AHNAK: variants seen among roughly 807,000 people sequenced by gnomAD.
AHNAK encodes the protein AHNAK nucleoprotein, also known as neuroblast differentiation-associated protein AHNAK.
Under a neutral mutation model 37.8 loss-of-function variants are expected in AHNAK, and 23 were observed. The observed-to-expected ratio is 0.61, with a 90% CI of 0.44 to 0.86. The LOEUF is 0.86. AHNAK is among the 40% of genes least tolerant of loss of function. AHNAK has a pLI of 0.00. For missense variants in AHNAK, 7,411 were observed against 7,319.4 expected (o/e 1.01, Z -0.46); for synonymous variants, 2,481 against 2,636.3 (o/e 0.94, Z 1.80).
In AHNAK at chr11:62,530,113, T is replaced by C. The variant is rs775242034; in HGVS notation, c.4304A>G (p.Lys1435Arg). ...TTCTGGCATCTTGAATTTGGGACCT[T>C]TTAGTTTTGCGTCTGGACCTTCAAT... Reference protein sequence around the residue: ...VNIEGPDAKLKGPKFKMPEMS... With the variant: ...VNIEGPDAKLRGPKFKMPEMS... Residue 1435 changes from lysine to arginine, a missense_variant, in exon 5 of 5, where the codon AAA becomes AGA. Transcript: ENST00000378024. 6.2e-7 allele frequency: 1 copy of C among 1,614,118 alleles called. No homozygotes were observed. Among genetic ancestry groups the C allele is most frequent in the Admixed American group, 1.7e-5 (1 of 60,018 alleles).
At chr11:62,474,399 G>A (rs1939102533) in intron 5 of AHNAK, among the ~76,000 whole-genome samples, 1 of 152,086 alleles carries the variant, frequency 6.6e-6, no homozygotes, top group African/African-American at 2.4e-5. Context: ...TAGTCAGGCT[G>A]GTCCTCGAAC....
At chr11:62,477,984 G>A (rs687666) in intron 5 of AHNAK, among the ~76,000 whole-genome samples, 16,242 of 152,002 alleles carry the variant, frequency 0.11, 2,467 homozygotes, top group African/African-American at 0.34. Flanking sequence ...TTGAGGAAGC[G>A]AAAGAAGGCC....
At chr11:62,444,072 C>T (rs538393150) in intron 5 of AHNAK, among the ~76,000 whole-genome samples, 35 of 152,274 alleles carry the variant, frequency 2.3e-4, no homozygotes, top group South Asian at 4.1e-4. Flanking sequence ...TGGCACAGAG[C>T]GGCCTCTTGG....
At chr11:62,542,170 G>A (rs1941148293) in intron 1 of AHNAK, among the ~76,000 whole-genome samples, 1 of 152,024 alleles carries the variant, frequency 6.6e-6, no homozygotes, top group African/African-American at 2.4e-5. Context: ...AGTACACGGA[G>A]ACCCTCAGCC....
rs1202108316 is a variant in AHNAK at position 62,483,949 on chromosome 11, A to G, written c.442+7783T>C. On this transcript the variant is annotated intron_variant, in intron 5 of 5. Coordinates refer to the AHNAK transcript ENST00000257247. The stretch of plus-strand genomic sequence containing the variant: ...CTACTCCGGAGGCTGAGGCAGGAGA[A>G]TGGTGTGAACCCAGGAGGTGGAGCT... Among the ~76,000 whole-genome samples, 18 of 146,850 alleles carry G rather than the reference A, an allele frequency of 1.2e-4. No homozygotes were observed. In the Admixed American group the frequency reaches 1.3e-3, roughly 10 times the overall value.
intron 1 of AHNAK, among the ~76,000 whole-genome samples, chr11:62,537,873 G>T (rs959025563): frequency 1.3e-5 from 2 of 152,004 alleles, no homozygotes; most frequent in Non-Finnish European, 2.9e-5. Context: ...TAGTAGAGAT[G>T]GGGTTTCACC....
intron 4 of AHNAK, among the ~76,000 whole-genome samples, chr11:62,495,000 C>CA (rs34419128): frequency 0.087 from 10,613 of 121,646 alleles, 1,364 homozygotes; most frequent in African/African-American, 0.29. Flanking sequence ...AACTCCATCT[C>CA]AAAAAAAAAA....
chr11:62,530,050 A>G lies in AHNAK; in HGVS notation c.4367T>C (p.Val1456Ala). Residue 1456 changes from valine (V) to alanine (A), a missense_variant, in exon 5 of 5, where the codon GTT becomes GCT. Transcript: ENST00000378024. ...TTTAGGACCTTTCAAATGCAAACCA[A>G]CATCTGGTATGGATATCTTCTGAGG... ...IKPQKISIPD[V>A]GLHLKGPKMK... 1 of 1,613,912 alleles carries G rather than the reference A, an allele frequency of 6.2e-7. No homozygotes were observed. Among genetic ancestry groups the G allele is most frequent in the South Asian group, 1.1e-5 (1 of 91,034 alleles).
intron 4 of AHNAK, among the ~76,000 whole-genome samples, chr11:62,509,541 A>C (rs1048711795): frequency 6.6e-6 from 1 of 151,622 alleles, no homozygotes; most frequent in African/African-American, 2.4e-5. Context: ...CAAGAGTGAA[A>C]CTCCGTCTCA....
Position 62,523,175 on chromosome 11 carries a change from G to A in AHNAK, c.11242C>T (p.Pro3748Ser), listed in dbSNP as rs756370599. Residue 3748 changes from proline to serine, a missense_variant, in exon 5 of 5, where the codon CCT becomes TCT. Coordinates refer to ENST00000378024, the MANE Select transcript of AHNAK (RefSeq NM_001620.3). ...CCCTTCAGGTTTAAATCAATGTCAG[G>A]CATCGATATTTTGGGAGCCTTCAGG... ...MHLKAPKISM[P>S]DIDLNLKGPK... The A allele has an allele frequency of 5.0e-6, 8 of 1,613,466 alleles. No individual in the cohort carries two copies. The African/African-American group carries it at 8.0e-5, about 16-fold the overall frequency.
At chr11:62,470,708 A>ATGATC (rs1939018356) in intron 5 of AHNAK, among the ~76,000 whole-genome samples, 1 of 152,132 alleles carries the variant, frequency 6.6e-6, no homozygotes, top group Non-Finnish European at 1.5e-5. Flanking sequence ...AAAGAGTCCG[A>ATGATC]CAGTGATCAT....
At position 62,527,337 on chromosome 11, in the gene AHNAK, T is replaced by G; in HGVS notation, c.7080A>C (p.Val2360=). The G allele has an allele frequency of 6.2e-7, 1 of 1,613,974 alleles. No homozygotes were observed. The highest frequency in any genetic ancestry group is 8.5e-7 in the Non-Finnish European group (1 of 1,179,940). The part of the protein sequence containing the change: ...GPKLDADMPE[V]AVEGPNGKWK... Reference sequence around the variant, plus strand: ...ACTTGCCATTTGGGCCTTCCACAGCTACTTCTGGCATGTCAGCATCTAATT... The same window carrying G: ...ACTTGCCATTTGGGCCTTCCACAGCGACTTCTGGCATGTCAGCATCTAATT... The change falls in exon 5 of 5, where the codon GTA becomes GTC. Residue 2360 remains valine (V), a synonymous_variant. Transcript: ENST00000378024.
rs1457782537 is a variant in AHNAK, at chr11:62,527,080, A to G, written c.7337T>C (p.Met2446Thr). 3.1e-6 allele frequency: 5 copies of G among 1,614,134 alleles called. No homozygotes were observed. The highest frequency in any genetic ancestry group is 1.1e-5 in the South Asian group (1 of 91,064). ...LKGPKFKMPD[M>T]HFKAPNISMP... ...AGAAATATTGGGGGCTTTGAAATGCATATCAGGCATCTTGAACTTAGGGCC... is the reference window on the plus strand; with the variant it reads ...AGAAATATTGGGGGCTTTGAAATGCGTATCAGGCATCTTGAACTTAGGGCC... The change falls in exon 5 of 5, where the codon ATG (methionine) becomes ACG (threonine). Residue 2446 changes from methionine (M) to threonine (T), a missense_variant. By Grantham distance (81) the Met-to-Thr change is moderately conservative. Coordinates refer to ENST00000378024, the MANE Select transcript of AHNAK (RefSeq NM_001620.3).
intron 4 of AHNAK, among the ~76,000 whole-genome samples, chr11:62,497,497 A>C (rs1939631715): frequency 6.6e-6 from 1 of 152,216 alleles, no homozygotes; most frequent in African/African-American, 2.4e-5. Context: ...CATTCCTATC[A>C]AAAAAGGTGG....
intron 5 of AHNAK, among the ~76,000 whole-genome samples, chr11:62,467,361 T>A (rs1288473544): frequency 6.6e-6 from 1 of 152,214 alleles, no homozygotes; most frequent in Non-Finnish European, 1.5e-5. Flanking sequence ...TCTTGGTGTC[T>A]GTAGTCTCTA....
At chr11:62,491,742 G>T (rs905727834) in exon 5 of AHNAK, 3 of 1,610,822 alleles carry the variant, frequency 1.9e-6, no homozygotes, top group African/African-American at 1.3e-5. Context: ...CTGCATTTGG[G>T]GTGGAGACTG....
rs1182626911 is a variant in AHNAK, at chr11:62,526,627, A to C, written c.7790T>G (p.Val2597Gly). Residue 2597 changes from valine (V) to glycine (G), a missense_variant, in exon 5 of 5, where the codon GTG becomes GGG. Transcript: ENST00000378024. ...HLKGPKVKGD[V>G]DVSLPKVEGD... ...TTCCACTTTGGGCAGAGAAACATCC[A>C]CATCGCCCTTCACCTTGGGACCTTT... is the stretch of plus-strand genomic sequence containing the variant. The C allele has an allele frequency of 6.2e-7, 1 of 1,613,604 alleles. No homozygotes were observed. The highest frequency in any genetic ancestry group is 1.7e-5 in the Admixed American group (1 of 59,950).
In AHNAK at chr11:62,531,688, C is replaced by A. The variant is rs767360334; in HGVS notation, c.2729G>T (p.Gly910Val). 3 of 1,614,168 alleles carry A rather than the reference C, an allele frequency of 1.9e-6. No homozygotes were observed. The highest frequency in any genetic ancestry group is 2.5e-6 in the Non-Finnish European group (3 of 1,180,034). The change falls in exon 5 of 5, where the codon GGA becomes GTA. Residue 910 changes from glycine to valine, a missense_variant. Coordinates refer to ENST00000378024, the MANE Select transcript of AHNAK (RefSeq NM_001620.3). ...NLPKADVDISGPKVGVEVPDV... is the reference protein window; with the variant it reads ...NLPKADVDISVPKVGVEVPDV... ...TGGAACTTCAACACCCACCTTGGGT[C>A]CTGAGATGTCCACATCAGCCTTGGG...
At chr11:62,474,279 G>C (rs1939100131) in intron 5 of AHNAK, among the ~76,000 whole-genome samples, 1 of 151,264 alleles carries the variant, frequency 6.6e-6, no homozygotes, top group South Asian at 2.1e-4. Context: ...CCACCTCCCA[G>C]GTTCAAGTGA....
Sources: gnomAD v4.1 joint callset for allele counts (sites outside exome capture counted in the v4.1 genomes callset) on GRCh38, gnomAD v4.1.1 for gene constraint, MANE v1.5 for transcripts, NCBI Gene and HGNC (gene_info 2026-07-23, HGNC 2026-07-21) for gene names.